The following SLC17A1 variants were observed in gnomAD, a reference collection of about 807,000 sequenced individuals.
SLC17A1 encodes solute carrier family 17 member 1.
A neutral mutation model predicts 53.5 loss-of-function variants in SLC17A1; 51 were observed. That is an observed-to-expected ratio of 0.95 (90% confidence interval 0.76 to 1.20). SLC17A1 has a LOEUF of 1.20. Ranked by LOEUF, SLC17A1 falls within the 50% of genes most tolerant of loss-of-function variation. The pLI is 0.00. For missense variants in SLC17A1, 538 were observed against 568.2 expected (o/e 0.95, Z 0.54); for synonymous variants, 179 against 198.8 (o/e 0.90, Z 0.84).
At chr6:25,732,715 C>A in the SLC17A1 span, 123 of 1,319,314 alleles carry the variant, frequency 9.3e-5, 1 homozygote, top group South Asian at 1.3e-3. Flanking sequence ...AGGAGCTCGA[C>A]AAGCTGCTGG....
Position 25,811,370 on chromosome 6 carries a change from T to C in SLC17A1, c.1178+28A>G, listed in dbSNP as rs184415918. 5.8e-5 allele frequency: 91 copies of C among 1,577,056 alleles called. No homozygotes were observed. The African/African-American group carries it at 1.1e-3, about 20-fold the overall frequency. ...TATACAATATTTATTTGTTAAAGGT[T>C]AAAAAAAAGCGTATAAACAAATCCT... On this transcript the variant is annotated intron_variant, in intron 10 of 12. Coordinates refer to ENST00000244527, the MANE Select transcript of SLC17A1 (RefSeq NM_005074.5).
chr6:25,757,523 TG>T, the SLC17A1 span, among the ~76,000 whole-genome samples: 4 of 152,078 alleles, frequency 2.6e-5, no homozygotes, highest in Non-Finnish European at 4.4e-5. Context: ...ATTCCAAACT[TG>T]ATCTAAAAGT....
the SLC17A1 span, among the ~76,000 whole-genome samples, chr6:25,739,200 G>A: frequency 6.6e-6 from 1 of 152,194 alleles, no homozygotes; most frequent in African/African-American, 2.4e-5. Flanking sequence ...CTGATCTCTA[G>A]TGAGGGAACT....
chr6:25,819,299 ATTTTC>A, intron 5 of SLC17A1, 145 bp from the exon 6 acceptor site: 2 of 698,828 alleles, frequency 2.9e-6, no homozygotes, highest in East Asian at 2.8e-5. Flanking sequence ...TAATAAAAAT[ATTTTC>A]TTTTCTCTCT....
At chr6:25,773,256 C>A in the SLC17A1 span, 1 of 1,591,288 alleles carries the variant, frequency 6.3e-7, no homozygotes, top group Admixed American at 1.7e-5. Flanking sequence ...CCAGTGCTAA[C>A]TGGATCCCCT....
chr6:25,827,035 C>A (rs34355976), intron 2 of SLC17A1, among the ~76,000 whole-genome samples: 37 of 151,878 alleles, frequency 2.4e-4, no homozygotes, highest in Non-Finnish European at 4.1e-4. Context: ...TTATATATGC[C>A]CAATGCAGAG....
chr6:25,817,402 G>T (rs1216933826), intron 6 of SLC17A1, among the ~76,000 whole-genome samples: 1 of 152,158 alleles, frequency 6.6e-6, no homozygotes, highest in Non-Finnish European at 1.5e-5. Flanking sequence ...TAGTAAAAAG[G>T]TTGTGGGAGG....
the SLC17A1 span, among the ~76,000 whole-genome samples, chr6:25,774,569 C>A: frequency 6.6e-6 from 1 of 152,112 alleles, no homozygotes; most frequent in Middle Eastern, 3.2e-3. Context: ...AGGAAGAGGG[C>A]CAGAAATTAA....
the SLC17A1 span, among the ~76,000 whole-genome samples, chr6:25,740,585 A>G: frequency 6.6e-6 from 1 of 152,214 alleles, no homozygotes; most frequent in Non-Finnish European, 1.5e-5. Flanking sequence ...AATGCAAGAT[A>G]CTGACTTTAC....
chr6:25,786,581 TG>T (rs2151473273), intron 12 of SLC17A1, among the ~76,000 whole-genome samples: 1 of 152,200 alleles, frequency 6.6e-6, no homozygotes, highest in African/African-American at 2.4e-5. Flanking sequence ...GGAGTGGATC[TG>T]TGATGCCAAG....
chr6:25,726,586 T>C, the SLC17A1 span: 2 of 1,548,294 alleles, frequency 1.3e-6, no homozygotes, highest in South Asian at 2.5e-5. Context: ...CTACTGGGCC[T>C]ATTTATAGTC....
In SLC17A1 at chr6:25,812,966, A is replaced by G; in HGVS notation, c.762T>C (p.Pro254=). The G allele has an allele frequency of 1.9e-6, 3 of 1,614,068 alleles. No homozygotes were observed. Among genetic ancestry groups the G allele is most frequent in the Non-Finnish European group, 2.5e-6 (3 of 1,179,966 alleles). Residue 254 remains proline, a synonymous_variant, in exon 8 of 13, where the codon CCT becomes CCC. Transcript: ENST00000244527. ...QQVSSSRQSL[P]IKAILKSLPV... is the part of the protein sequence containing the mutation. ...GAAGCGACTTAAGTATAGCCTTGAT[A>G]GGCAGAGATTGTCTACTTGAACTGA...
chr6:25,777,288 T>A, the SLC17A1 span: 1 of 244,896 alleles, frequency 4.1e-6, no homozygotes, highest in Non-Finnish European at 7.8e-6. Flanking sequence ...TTCTATAGGG[T>A]ATGCTCATGA....
the SLC17A1 span, chr6:25,726,322 T>C: frequency 6.2e-7 from 1 of 1,614,160 alleles, no homozygotes; most frequent in Non-Finnish European, 8.5e-7. Context: ...GCGAGACGCA[T>C]TGCCTGCCAG....
At chr6:25,797,630 A>G (rs930199987) in intron 12 of SLC17A1, among the ~76,000 whole-genome samples, 1 of 149,616 alleles carries the variant, frequency 6.7e-6, no homozygotes, top group Admixed American at 6.6e-5. Flanking sequence ...TTTGAGATGG[A>G]GTCTTGCTCT....
chr6:25,788,602 G>A (rs946551965), intron 12 of SLC17A1, among the ~76,000 whole-genome samples: 5 of 152,112 alleles, frequency 3.3e-5, no homozygotes, highest in Non-Finnish European at 5.9e-5. Flanking sequence ...CCACTGAAGT[G>A]GGTTGAGGAA....
chr6:25,831,663 C>G (rs1041438916), intron 1 of SLC17A1, among the ~76,000 whole-genome samples: 10 of 152,138 alleles, frequency 6.6e-5, no homozygotes, highest in Non-Finnish European at 1.3e-4. Flanking sequence ...TAACCACACA[C>G]ACACATAAAT....
chr6:25,807,619 C>A (rs1179777062), intron 10 of SLC17A1, among the ~76,000 whole-genome samples: 2 of 151,986 alleles, frequency 1.3e-5, no homozygotes, highest in African/African-American at 4.8e-5. Flanking sequence ...CCCTCCCACC[C>A]TTTTCCCTGA....
chr6:25,752,393 C>T, the SLC17A1 span, among the ~76,000 whole-genome samples: 4 of 152,130 alleles, frequency 2.6e-5, no homozygotes, highest in East Asian at 7.7e-4. Context: ...GGAGACTTAT[C>T]ATAAATGGAG....
Sources: gnomAD v4.1 joint callset for allele counts (sites outside exome capture counted in the v4.1 genomes callset) on GRCh38, gnomAD v4.1.1 for gene constraint, MANE v1.5 for transcripts, NCBI Gene and HGNC (gene_info 2026-07-23, HGNC 2026-07-21) for gene names.